The following CAST variants were observed in gnomAD, a reference collection of about 807,000 sequenced individuals.
CAST encodes the protein calpastatin, also known as MIR583 host.
In CAST, 76 loss-of-function variants were observed where a neutral mutation model predicts 119.6. That is an observed-to-expected ratio of 0.64 (90% CI 0.53 to 0.77). The LOEUF is 0.77. CAST is among the 30% of genes least tolerant of loss of function. CAST has a pLI of 0.00. For missense variants in CAST, 953 were observed against 946.5 expected (o/e 1.01, Z -0.09); for synonymous variants, 319 against 331.6 (o/e 0.96, Z 0.41).
At chr5:96,170,276 A>G in the CAST span, among the ~76,000 whole-genome samples, 23 of 152,104 alleles carry the variant, frequency 1.5e-4, no homozygotes, top group Non-Finnish European at 3.4e-4. Flanking sequence ...ATGGGACACG[A>G]CTTAGGAGGA....
chr5:96,257,115 C>T, the CAST span, among the ~76,000 whole-genome samples: 1 of 152,222 alleles, frequency 6.6e-6, no homozygotes, highest in Admixed American at 6.5e-5. Context: ...TTGGGTGGAT[C>T]TTTACTGCCT....
intron 11 of CAST, among the ~76,000 whole-genome samples, chr5:96,739,135 C>T (rs1474072096): frequency 6.6e-6 from 1 of 152,034 alleles, no homozygotes; most frequent in African/African-American, 2.4e-5. Flanking sequence ...TACTAAAACA[C>T]AGAAGAAACA....
At chr5:96,244,625 C>T in the CAST span, among the ~76,000 whole-genome samples, 14 of 152,246 alleles carry the variant, frequency 9.2e-5, no homozygotes, top group East Asian at 1.2e-3. Flanking sequence ...ATTTTATACA[C>T]GGGAAAGCTG....
intron 6 of CAST, 128 bp downstream of exon 6, chr5:96,727,658 C>A (rs1393185363): frequency 2.3e-5 from 12 of 531,576 alleles, no homozygotes; most frequent in Non-Finnish European, 3.3e-5. Flanking sequence ...AATTTTTAGA[C>A]CCTTTTGAAT....
chr5:96,618,115 C>T lies in CAST; in HGVS notation c.61-57424C>T, dbSNP rs1302675378. On this transcript the variant is annotated intron_variant, in intron 1 of 11. Coordinates refer to the CAST transcript ENST00000505143. Reference sequence around the variant, plus strand: ...ATCAGAGACTTTAGCTCCATCCACGCAGTCCTACAGGGCTAACTCCAGGGC... The same window carrying T: ...ATCAGAGACTTTAGCTCCATCCACGTAGTCCTACAGGGCTAACTCCAGGGC... 2.0e-5 allele frequency among the ~76,000 whole-genome samples: 3 copies of T among 152,284 alleles called. No individual in the cohort carries two copies. The East Asian group carries it at 5.8e-4, about 29-fold the overall frequency.
chr5:96,087,389 A>G, the CAST span, among the ~76,000 whole-genome samples: 2 of 152,208 alleles, frequency 1.3e-5, no homozygotes, highest in South Asian at 2.1e-4. Flanking sequence ...ATTTTTTTCC[A>G]TTTTTTTAAG....
chr5:96,709,656 G>T (rs1009796561), intron 3 of CAST, among the ~76,000 whole-genome samples: 5 of 152,058 alleles, frequency 3.3e-5, no homozygotes, highest in African/African-American at 4.8e-5. Flanking sequence ...TCATCATACT[G>T]GCCTTATGAT....
the CAST span, among the ~76,000 whole-genome samples, chr5:96,280,172 T>C: frequency 1.3e-5 from 2 of 152,228 alleles, no homozygotes; most frequent in Non-Finnish European, 1.5e-5. Context: ...GATCTCGTAT[T>C]GGAGGCACTA....
chr5:96,053,213 G>T, the CAST span, among the ~76,000 whole-genome samples: 1 of 152,136 alleles, frequency 6.6e-6, no homozygotes, highest in African/African-American at 2.4e-5. Context: ...TAATGCCCGT[G>T]TCCTACTCCC....
chr5:96,625,007 A>G (rs1480775004), intron 1 of CAST, among the ~76,000 whole-genome samples: 1 of 152,242 alleles, frequency 6.6e-6, no homozygotes, highest in Non-Finnish European at 1.5e-5. Flanking sequence ...TCTTCTAAGT[A>G]AGAAAGGTTA....
the CAST span, among the ~76,000 whole-genome samples, chr5:96,514,621 C>T: frequency 6.6e-6 from 1 of 152,160 alleles, no homozygotes; most frequent in Non-Finnish European, 1.5e-5. Context: ...TTATAACCCC[C>T]ACCCTTAACC....
At chr5:96,394,129 C>T in the CAST span, among the ~76,000 whole-genome samples, 3 of 152,222 alleles carry the variant, frequency 2.0e-5, no homozygotes, top group Admixed American at 1.3e-4. Flanking sequence ...TCTTCCAAAA[C>T]ACCCAGCTCA....
chr5:96,459,816 G>A, the CAST span, among the ~76,000 whole-genome samples: 8 of 152,168 alleles, frequency 5.3e-5, no homozygotes, highest in South Asian at 4.2e-4. Flanking sequence ...GCACATTTTC[G>A]GATTTTACTG....
chr5:96,411,664 G>A, the CAST span, among the ~76,000 whole-genome samples: 23 of 152,292 alleles, frequency 1.5e-4, no homozygotes, highest in African/African-American at 5.3e-4. Context: ...AGAAGACTGA[G>A]TAGTTTTTTA....
intron 1 of CAST, among the ~76,000 whole-genome samples, chr5:96,616,795 CATAT>C (rs1208864674): frequency 4.4e-5 from 6 of 135,342 alleles, no homozygotes; most frequent in Admixed American, 1.5e-4. Flanking sequence ...CACACACACA[CATAT>C]ACATATACAT....
the CAST span, among the ~76,000 whole-genome samples, chr5:96,404,006 T>C: frequency 6.6e-6 from 1 of 152,220 alleles, no homozygotes; most frequent in African/African-American, 2.4e-5. Flanking sequence ...ATTATTCTGA[T>C]TCTTTTGATC....
At chr5:96,180,455 A>T in the CAST span, among the ~76,000 whole-genome samples, 819 of 152,350 alleles carry the variant, frequency 5.4e-3, 9 homozygotes, top group African/African-American at 0.019. Flanking sequence ...GGTACTATGA[A>T]AGTTTAACTT....
the CAST span, among the ~76,000 whole-genome samples, chr5:96,149,613 G>A: frequency 6.6e-6 from 1 of 152,132 alleles, no homozygotes; most frequent in African/African-American, 2.4e-5. Flanking sequence ...ACTTTGAAGG[G>A]TTTTCTCTGC....
At chr5:96,750,828 T>C (rs1274653524) in intron 20 of CAST, 146 bp downstream of exon 20, 2 of 481,650 alleles carry the variant, frequency 4.2e-6, no homozygotes, top group African/African-American at 4.0e-5. Flanking sequence ...CTGTTGTTTC[T>C]TTGGGCTTCA....
Sources: allele counts gnomAD v4.1 joint callset (sites outside exome capture counted in the v4.1 genomes callset), GRCh38; gene constraint gnomAD v4.1.1; transcripts MANE v1.5; gene names NCBI Gene and HGNC (gene_info 2026-07-23, HGNC 2026-07-21).